Variants in SPTAN1 observed in about 807,000 individuals in gnomAD.
SPTAN1 encodes the protein spectrin alpha chain, non-erythrocytic 1.
Under a neutral mutation model 331.3 loss-of-function variants are expected in SPTAN1, and 61 were observed. The observed-to-expected ratio is 0.18, with a 90% confidence interval of 0.15 to 0.23. The LOEUF is 0.23. SPTAN1 is among the 10% of genes least tolerant of loss of function. The pLI, the probability that SPTAN1 is intolerant of heterozygous loss-of-function variation, is 1.00. For synonymous variants in SPTAN1, 1,153 were observed against 1,173.9 expected (o/e 0.98, Z 0.36); for missense variants, 2,043 against 3,147.9 (o/e 0.65, Z 8.40).
chr9:128,558,360 A>G (rs1848898219), intron 1 of SPTAN1, among the ~76,000 whole-genome samples: 1 of 152,228 alleles, frequency 6.6e-6, no homozygotes, highest in African/African-American at 2.4e-5. Flanking sequence ...TTTTGCAAAT[A>G]TATACCTTTT....
intron 3 of SPTAN1, among the ~76,000 whole-genome samples, chr9:128,571,486 G>A (rs549761287): frequency 2.6e-5 from 4 of 152,292 alleles, no homozygotes; most frequent in East Asian, 3.9e-4. Flanking sequence ...TTGGGAGGCT[G>A]AAGCAGGAGA....
chr9:128,591,597 G>A lies in SPTAN1; in HGVS notation c.3127G>A (p.Ala1043Thr). Residue 1043 changes from alanine (A) to threonine (T), a missense_variant, in exon 22 of 57, where the codon GCA becomes ACA. Physicochemically the swap from Ala to Thr is moderately conservative, Grantham distance 58. This residue lies in a region of SPTAN1 where 1,038 missense variants were observed against 1,531.5 expected (regional missense o/e 0.68). Coordinates refer to ENST00000372739, the MANE Select transcript of SPTAN1 (RefSeq NM_001130438.3). ...TCTCCTGGAGGAGCAAGGCAGCATA[G>A]CACTGCGGCAGGAGCAGATTGACAA... ...ENLLEEQGSI[A>T]LRQEQIDNQT... The A allele has an allele frequency of 6.2e-7, 1 of 1,614,194 alleles. No homozygotes were observed. The highest frequency in any genetic ancestry group is 2.2e-5 in the East Asian group (1 of 44,880).
At chr9:128,617,897 A>C in intron 42 of SPTAN1, 90 bp from the exon 43 acceptor site, 1 of 1,613,090 alleles carries the variant, frequency 6.2e-7, no homozygotes, top group African/African-American at 1.3e-5. Context: ...AGAAGTCCCA[A>C]ACTTGATGTT....
chr9:128,582,393 T>C (rs1221983115), intron 12 of SPTAN1, 86 bp from the exon 13 acceptor site: 13 of 1,157,708 alleles, frequency 1.1e-5, no homozygotes, highest in East Asian at 2.4e-5. Flanking sequence ...GTGTGTTTTA[T>C]GATCTGTTCA....
rs769471750 is a variant in SPTAN1 at position 128,581,639 on chromosome 9, TC to T, written c.1462-141del. ...AGAAAATCCAAAAGGACTTTAGACT[TC>T]CTAGAAGAGATCTTAGAAGTTTAGC... On this transcript the variant is annotated intron_variant, in intron 11 of 56. Transcript: ENST00000372739. 2.1e-5 allele frequency: 16 copies of T among 747,650 alleles called. 1 individual carries two copies. The highest frequency in any genetic ancestry group is 1.9e-4 in the South Asian group (13 of 68,560). The allele number at this position is 747,650 out of a possible 1,614,324, so 46.3% of individuals were successfully genotyped here.
At chr9:128,598,704 G>T (rs1854643214) in intron 25 of SPTAN1, 200 bp downstream of exon 25, 2 of 662,182 alleles carry the variant, frequency 3.0e-6, no homozygotes, top group South Asian at 1.8e-5. Context: ...GGTTTGGAGG[G>T]GGGTGGGGGC....
intron 31 of SPTAN1, 129 bp downstream of exon 31, chr9:128,605,606 G>A: frequency 1.6e-6 from 2 of 1,247,042 alleles, no homozygotes; most frequent in Non-Finnish European, 2.3e-6. Context: ...CACTTTGGGG[G>A]GCCAAGGCAA....
intron 43 of SPTAN1, 108 bp from the exon 44 acceptor site, chr9:128,618,763 A>G (rs1857495003): frequency 6.4e-7 from 1 of 1,554,506 alleles, no homozygotes. Flanking sequence ...GATTGCAGGC[A>G]TGAGCCACCA....
chr9:128,583,705 C>T, intron 15 of SPTAN1, 83 bp from the exon 16 acceptor site: 1 of 1,443,892 alleles, frequency 6.9e-7, no homozygotes, highest in African/African-American at 1.4e-5. Context: ...TATAGTCCTT[C>T]ACTAAGATAC....
In SPTAN1 at chr9:128,625,906, G is replaced by T; in HGVS notation, c.6207G>T (p.Arg2069Ser). 6.2e-7 allele frequency: 1 copy of T among 1,614,204 alleles called. No homozygotes were observed. Among genetic ancestry groups the T allele is most frequent in the South Asian group, 1.1e-5 (1 of 91,090 alleles). Residue 2069 changes from arginine to serine, a missense_variant, in exon 48 of 57, where the codon AGG becomes AGT. By Grantham distance (110) the Arg-to-Ser change is moderately radical. Coordinates refer to ENST00000372739, the MANE Select transcript of SPTAN1 (RefSeq NM_001130438.3). The surrounding 1 kb of genome is among the most constrained non-coding windows in gnomAD (Gnocchi z 4.1). ...CCCGGCACGCCTCCCTCATGAAGAG[G>T]TGGAGCCAGCTTCTGGCCAACTCAG... The part of the protein sequence containing the change: ...IEARHASLMK[R>S]WSQLLANSAA...
At position 128,594,269 on chromosome 9, in the gene SPTAN1, C is replaced by A. The variant is rs1353877510; in HGVS notation, c.3310C>A (p.Gln1104Lys). ...FMLFREANEL[Q>K]QWINEKEAAL... ...GTTGTTCCGTGAAGCGAATGAACTA[C>A]AGCAATGGATCAATGAGAAGGAAGC... Residue 1104 changes from glutamine (Q) to lysine (K), a missense_variant, in exon 24 of 57, where the codon CAG (glutamine) becomes AAG (lysine). Transcript: ENST00000372739. 1.9e-6 allele frequency: 3 copies of A among 1,614,056 alleles called. No individual in the cohort carries two copies. Among genetic ancestry groups the A allele is most frequent in the Non-Finnish European group, 2.5e-6 (3 of 1,180,016 alleles).
chr9:128,626,692 A>C lies in SPTAN1; in HGVS notation c.6576+5A>C, dbSNP rs1395077429. 1 of 1,601,430 alleles carries C rather than the reference A, an allele frequency of 6.2e-7. No homozygotes were observed. Among genetic ancestry groups the C allele is most frequent in the Non-Finnish European group, 8.5e-7 (1 of 1,175,220 alleles). On this transcript the variant is annotated splice_donor_5th_base_variant and intron_variant, in intron 49 of 56. Coordinates refer to ENST00000372739, the MANE Select transcript of SPTAN1 (RefSeq NM_001130438.3). ...AACCTACAGAAAATCATCAAGGTAC[A>C]CCTCCCGCTGCCCTCAGGAGCTGCT...
chr9:128,596,453 T>C (rs895446510), intron 24 of SPTAN1: 6 of 151,842 alleles, frequency 4.0e-5, no homozygotes, highest in African/African-American at 1.4e-4. Context: ...ATTTTTTGTA[T>C]TTTTAGTAGA....
chr9:128,606,855 C>T (rs1855957834), intron 31 of SPTAN1, among the ~76,000 whole-genome samples: 1 of 152,094 alleles, frequency 6.6e-6, no homozygotes, highest in Non-Finnish European at 1.5e-5. Context: ...ATGTGCAATC[C>T]AATGACATTT....
At chr9:128,558,527 C>G (rs1427376001) in intron 1 of SPTAN1, among the ~76,000 whole-genome samples, 2 of 152,050 alleles carry the variant, frequency 1.3e-5, no homozygotes, top group African/African-American at 4.8e-5. Context: ...GATTGCATTC[C>G]TAGGAAGTCG....
intron 1 of SPTAN1, among the ~76,000 whole-genome samples, chr9:128,564,018 A>G (rs1303506985): frequency 6.6e-6 from 1 of 152,116 alleles, no homozygotes; most frequent in Admixed American, 6.5e-5. Flanking sequence ...TACACCTGTA[A>G]TCTTAGCACT....
intron 1 of SPTAN1, among the ~76,000 whole-genome samples, chr9:128,559,386 TATC>T (rs1177704684): frequency 6.6e-6 from 1 of 152,152 alleles, no homozygotes; most frequent in Non-Finnish European, 1.5e-5. Flanking sequence ...GAGATTTTCT[TATC>T]ATAAAGGGCT....
chr9:128,618,892 C>A lies in SPTAN1; in HGVS notation c.5622C>A (p.Ser1874=). 1 of 1,614,102 alleles carries A rather than the reference C, an allele frequency of 6.2e-7. No homozygotes were observed. ...TTAGGGGTCAGCGGCTGGAAGAGTC[C>A]TTGGAATATCAGCAGTTTGTAGCCA... ...AAARGQRLEE[S]LEYQQFVANV... is the part of the protein sequence containing the mutation. Residue 1874 remains serine, a synonymous_variant, in exon 44 of 57, where the codon TCC becomes TCA. Transcript: ENST00000372739.
chr9:128,566,799 A>G lies in SPTAN1; in HGVS notation c.59A>G (p.Gln20Arg), dbSNP rs758607934. 6.2e-6 allele frequency: 10 copies of G among 1,614,234 alleles called. No individual in the cohort carries two copies. The highest frequency in any genetic ancestry group is 6.8e-6 in the Non-Finnish European group (8 of 1,180,036). Residue 20 changes from glutamine to arginine, a missense_variant, in exon 2 of 57, where the codon CAG (glutamine) becomes CGG (arginine). Around this residue, in one of 12 missense-constraint regions of SPTAN1, gnomAD observed 1,038 missense variants for 1,531.5 expected, o/e 0.68. Transcript: ENST00000372739. Reference sequence around the variant, plus strand: ...GCAGAGGACATCCAGGAGAGGCGGCAGCAGGTCCTAGACCGATACCACCGC... The same window carrying G: ...GCAGAGGACATCCAGGAGAGGCGGCGGCAGGTCCTAGACCGATACCACCGC... Reference protein sequence around the residue: ...ETAEDIQERRQQVLDRYHRFK... With the variant: ...ETAEDIQERRRQVLDRYHRFK...
Sources: gnomAD v4.1 joint callset for allele counts (sites outside exome capture counted in the v4.1 genomes callset) on GRCh38, gnomAD v4.1.1 for gene constraint, gnomAD v4.1.1 regional missense constraint, Gnocchi (gnomAD v3.1) non-coding constraint, MANE v1.5 for transcripts, NCBI Gene and HGNC (gene_info 2026-07-23, HGNC 2026-07-21) for gene names.